ZSCAN25: variants seen among roughly 807,000 people sequenced by gnomAD.
The protein encoded by ZSCAN25 is zinc finger and SCAN domain-containing protein 25.
A neutral mutation model predicts 38.7 loss-of-function variants in ZSCAN25; 27 were observed. The ratio of observed to expected loss-of-function variants is 0.70; its 90% CI spans 0.51 to 0.96. The LOEUF (loss-of-function observed/expected upper bound fraction) is 0.96. Among genes scored for constraint, ZSCAN25 ranks in the 40% least tolerant of loss-of-function variants. The pLI, the probability that ZSCAN25 is intolerant of heterozygous loss-of-function variation, is 0.00. For synonymous variants in ZSCAN25, 273 were observed against 277.7 expected (o/e 0.98, Z 0.17); for missense variants, 637 against 705.9 (o/e 0.90, Z 1.11).
the ZSCAN25 span, chr7:99,676,502 G>T: frequency 3.6e-6 from 5 of 1,388,190 alleles, no homozygotes; most frequent in Non-Finnish European, 4.8e-6. Context: ...GTTCAGGCAG[G>T]AATTCTTCCA....
the ZSCAN25 span, among the ~76,000 whole-genome samples, chr7:99,673,608 G>A: frequency 6.6e-6 from 1 of 152,190 alleles, no homozygotes; most frequent in African/African-American, 2.4e-5. Context: ...AGCATAAGTG[G>A]TTTCCCAATC....
At chr7:99,674,516 G>A in the ZSCAN25 span, 1 of 1,611,100 alleles carries the variant, frequency 6.2e-7, no homozygotes, top group African/African-American at 1.3e-5. Context: ...TCCAATGGAG[G>A]TTTTCAGAAT....
the ZSCAN25 span, among the ~76,000 whole-genome samples, chr7:99,679,336 C>T: frequency 2.9e-4 from 44 of 151,974 alleles, no homozygotes; most frequent in Non-Finnish European, 5.7e-4. Context: ...GGTTGGAAGG[C>T]GGGGGAGCAG....
At chr7:99,733,004 T>G in the ZSCAN25 span, among the ~76,000 whole-genome samples, 1 of 152,124 alleles carries the variant, frequency 6.6e-6, no homozygotes, top group African/African-American at 2.4e-5. Flanking sequence ...TAATATGTGG[T>G]AAAATACAAC....
chr7:99,643,425 C>G, the ZSCAN25 span, among the ~76,000 whole-genome samples: 4 of 152,002 alleles, frequency 2.6e-5, no homozygotes, highest in African/African-American at 9.7e-5. Flanking sequence ...CATTGCTGCC[C>G]CCCCTTTTTT....
chr7:99,728,671 A>G, the ZSCAN25 span, among the ~76,000 whole-genome samples: 1 of 152,282 alleles, frequency 6.6e-6, no homozygotes, highest in East Asian at 1.9e-4. Context: ...AAAAAATTCA[A>G]TTTGCAAATG....
the ZSCAN25 span, chr7:99,714,616 A>G: frequency 3.1e-6 from 5 of 1,613,290 alleles, no homozygotes; most frequent in Non-Finnish European, 4.2e-6. Flanking sequence ...TAGAAAACTT[A>G]TAACTTTTCT....
At chr7:99,653,356 C>T in the ZSCAN25 span, among the ~76,000 whole-genome samples, 7 of 151,888 alleles carry the variant, frequency 4.6e-5, no homozygotes, top group African/African-American at 1.5e-4. The surrounding 1 kb of genome is among the most constrained non-coding windows in gnomAD (Gnocchi z 4.2). Context: ...GAGACAGAGG[C>T]GGGAGGATGG....
chr7:99,713,058 G>C, the ZSCAN25 span, among the ~76,000 whole-genome samples: 1 of 152,214 alleles, frequency 6.6e-6, no homozygotes, highest in South Asian at 2.1e-4. Context: ...TTAGGTGTTA[G>C]ATGCATTAAG....
the ZSCAN25 span, among the ~76,000 whole-genome samples, chr7:99,712,586 GGATA>G: frequency 6.6e-6 from 1 of 152,122 alleles, no homozygotes; most frequent in Non-Finnish European, 1.5e-5. Context: ...AGTTGTATTG[GGATA>G]GATAGAGAGA....
At chr7:99,686,704 C>A in the ZSCAN25 span, among the ~76,000 whole-genome samples, 1 of 152,196 alleles carries the variant, frequency 6.6e-6, no homozygotes, top group Non-Finnish European at 1.5e-5. Context: ...GGGCAGGCTG[C>A]CTCCTCAAGT....
the ZSCAN25 span, among the ~76,000 whole-genome samples, chr7:99,729,245 A>G: frequency 6.6e-6 from 1 of 152,102 alleles, no homozygotes; most frequent in Non-Finnish European, 1.5e-5. Flanking sequence ...GACTATCACC[A>G]ATTATTCTAT....
the ZSCAN25 span, among the ~76,000 whole-genome samples, chr7:99,669,543 G>T: frequency 6.6e-6 from 1 of 152,152 alleles, no homozygotes; most frequent in Non-Finnish European, 1.5e-5. Flanking sequence ...AAATCAGTTT[G>T]TCTCACCAGA....
chr7:99,638,114 G>A, the ZSCAN25 span: 1 of 962,346 alleles, frequency 1.0e-6, no homozygotes, highest in Non-Finnish European at 1.5e-6. Flanking sequence ...CCCCCAAACT[G>A]TAGAACAGTA....
At chr7:99,718,459 C>T in the ZSCAN25 span, among the ~76,000 whole-genome samples, 12 of 152,102 alleles carry the variant, frequency 7.9e-5, no homozygotes, top group Non-Finnish European at 1.6e-4. Flanking sequence ...TCTTCCACAG[C>T]CATATTTTGT....
chr7:99,621,862 C>G (rs1447277245), intron 5 of ZSCAN25: 2 of 289,146 alleles, frequency 6.9e-6, no homozygotes, highest in Non-Finnish European at 1.3e-5. Flanking sequence ...AGCTGACTTG[C>G]AGGAATACTT....
At chr7:99,659,075 C>T in the ZSCAN25 span, 2 of 152,234 alleles carry the variant, frequency 1.3e-5, no homozygotes, top group African/African-American at 2.4e-5. Context: ...GCCTTCTTCT[C>T]TCAACTCGTC....
the ZSCAN25 span, among the ~76,000 whole-genome samples, chr7:99,646,806 A>G: frequency 6.7e-6 from 1 of 149,246 alleles, no homozygotes; most frequent in African/African-American, 2.5e-5. Flanking sequence ...ATACACACAC[A>G]CACACACACA....
At chr7:99,644,109 C>T in the ZSCAN25 span, among the ~76,000 whole-genome samples, 3 of 152,226 alleles carry the variant, frequency 2.0e-5, no homozygotes, top group East Asian at 1.9e-4. Flanking sequence ...TTGCTGTCAT[C>T]GTCCTTGTCA....
Sources: gnomAD v4.1 joint callset for allele counts (sites outside exome capture counted in the v4.1 genomes callset) on GRCh38, gnomAD v4.1.1 for gene constraint, Gnocchi (gnomAD v3.1) non-coding constraint, MANE v1.5 for transcripts, NCBI Gene and HGNC (gene_info 2026-07-23, HGNC 2026-07-21) for gene names.